Variants in EPHA7 observed in about 807,000 individuals in gnomAD.
EPHA7 encodes ephrin type-A receptor 7.
Under a neutral mutation model 112.6 loss-of-function variants are expected in EPHA7, and 25 were observed. The ratio of observed to expected loss-of-function variants is 0.22; its 90% CI spans 0.16 to 0.31. The LOEUF is 0.31. EPHA7 is among the 10% of genes least tolerant of loss of function. EPHA7 has a pLI of 1.00. For synonymous variants in EPHA7, 437 were observed against 406.5 expected (o/e 1.07, Z -0.90); for missense variants, 962 against 1,212.6 (o/e 0.79, Z 3.07).
At chr6:93,276,183 C>T (rs1039774762) in intron 5 of EPHA7, among the ~76,000 whole-genome samples, 2 of 151,926 alleles carry the variant, frequency 1.3e-5, no homozygotes, top group Non-Finnish European at 2.9e-5. Context: ...AAGAGATTAT[C>T]CTGGATTCTT....
At chr6:93,300,974 T>A (rs1241504651) in intron 5 of EPHA7, among the ~76,000 whole-genome samples, 1 of 152,166 alleles carries the variant, frequency 6.6e-6, no homozygotes, top group Non-Finnish European at 1.5e-5. Context: ...CTGTAGGCAA[T>A]TGTAACACAA....
intron 5 of EPHA7, among the ~76,000 whole-genome samples, chr6:93,280,819 A>T (rs1228852796): frequency 6.6e-6 from 1 of 152,152 alleles, no homozygotes; most frequent in Non-Finnish European, 1.5e-5. Context: ...GAATTCCAAA[A>T]AAAAAGTATT....
At chr6:93,283,502 T>C (rs763027480) in intron 5 of EPHA7, among the ~76,000 whole-genome samples, 1 of 152,068 alleles carries the variant, frequency 6.6e-6, no homozygotes, top group Non-Finnish European at 1.5e-5. Flanking sequence ...CTTTATGAGC[T>C]GTAACAATCA....
At chr6:93,272,451 A>G in intron 5 of EPHA7, 29 bp from the exon 6 acceptor site, 1 of 1,609,910 alleles carries the variant, frequency 6.2e-7, no homozygotes, top group Non-Finnish European at 8.5e-7. Flanking sequence ...TCAATAAACA[A>G]TGAGAAAATT....
intron 5 of EPHA7, among the ~76,000 whole-genome samples, chr6:93,283,900 TTAC>T (rs1771915686): frequency 2.6e-5 from 4 of 152,206 alleles, no homozygotes; most frequent in Admixed American, 2.6e-4. Context: ...CATCTACTAA[TTAC>T]TATAAATACA....
chr6:93,371,849 C>G (rs143232577), intron 3 of EPHA7, among the ~76,000 whole-genome samples: 1 of 152,024 alleles, frequency 6.6e-6, no homozygotes, highest in Non-Finnish European at 1.5e-5. Flanking sequence ...TTATACTAAC[C>G]AGAACACCAG....
Position 93,251,225 on chromosome 6 carries a change from A to G in EPHA7, c.2532+3422T>C, listed in dbSNP as rs888400552. Reference sequence around the variant, plus strand: ...CTTCTATATTAACATGAAAAAATATAAAGTCATAAATCAGTGATGACTTTT... The same window carrying G: ...CTTCTATATTAACATGAAAAAATATGAAGTCATAAATCAGTGATGACTTTT... On this transcript the variant is annotated intron_variant, in intron 14 of 16. Transcript: ENST00000369303. Among the ~76,000 whole-genome samples, 4 of 152,202 alleles carry G rather than the reference A, an allele frequency of 2.6e-5. No individual in the cohort carries two copies. In the East Asian group the frequency reaches 7.7e-4, roughly 29 times the overall value.
At chr6:93,257,433 T>C in intron 12 of EPHA7, 29 bp downstream of exon 12, 1 of 1,553,036 alleles carries the variant, frequency 6.4e-7, no homozygotes. Context: ...ATAGTATATT[T>C]AGAATAAGTG....
rs921787967 is a variant in EPHA7, at chr6:93,396,597, C to T, written c.832+13904G>A. 2.0e-5 allele frequency among the ~76,000 whole-genome samples: 3 copies of T among 151,712 alleles called. No homozygotes were observed. The South Asian group carries it at 6.2e-4, about 31-fold the overall frequency. ...AACCCCAAATTCCACTTTTCAAAAA[C>T]GCATATGCTAAAATGATAAAATGTT... On this transcript the variant is annotated intron_variant, in intron 3 of 16. Coordinates refer to ENST00000369303, the MANE Select transcript of EPHA7 (RefSeq NM_004440.4).
intron 3 of EPHA7, among the ~76,000 whole-genome samples, chr6:93,371,096 G>A (rs1419537979): frequency 1.3e-5 from 2 of 151,524 alleles, no homozygotes; most frequent in Non-Finnish European, 2.9e-5. Context: ...CCCAGGAGGC[G>A]GAGCTTGCAG....
intron 14 of EPHA7, among the ~76,000 whole-genome samples, chr6:93,253,298 A>C (rs941533462): frequency 3.3e-5 from 5 of 152,120 alleles, no homozygotes; most frequent in Non-Finnish European, 7.4e-5. Flanking sequence ...AACAAAACAA[A>C]AAGCAAATGA....
chr6:93,286,040 C>A (rs1313588194), intron 5 of EPHA7, among the ~76,000 whole-genome samples: 1 of 152,088 alleles, frequency 6.6e-6, no homozygotes, highest in Non-Finnish European at 1.5e-5. Flanking sequence ...ATATTTATTA[C>A]CTGGCCCTTT....
chr6:93,320,536 T>C (rs1452904742), intron 5 of EPHA7, among the ~76,000 whole-genome samples: 2 of 152,000 alleles, frequency 1.3e-5, no homozygotes, highest in African/African-American at 4.8e-5. Context: ...CTTTCATATT[T>C]ACTAAATTTA....
chr6:93,296,852 T>C (rs1328364387), intron 5 of EPHA7, among the ~76,000 whole-genome samples: 1 of 151,938 alleles, frequency 6.6e-6, no homozygotes, highest in Non-Finnish European at 1.5e-5. Flanking sequence ...CCTATCACAT[T>C]GGCAACTTCA....
intron 5 of EPHA7, among the ~76,000 whole-genome samples, chr6:93,343,117 T>C (rs1173152567): frequency 2.0e-5 from 3 of 151,706 alleles, no homozygotes; most frequent in African/African-American, 7.3e-5. Context: ...ATTTGACTTT[T>C]CCAAAACTTT....
At chr6:93,347,441 A>G (rs1234282613) in intron 5 of EPHA7, among the ~76,000 whole-genome samples, 8 of 101,534 alleles carry the variant, frequency 7.9e-5, no homozygotes. Context: ...TTTGGAGGGG[A>G]AAAATCATAA....
At position 93,358,309 on chromosome 6, in the gene EPHA7, C is replaced by G; in HGVS notation, c.935G>C (p.Cys312Ser). 1 of 1,613,650 alleles carries G rather than the reference C, an allele frequency of 6.2e-7. No individual in the cohort carries two copies. Among genetic ancestry groups the G allele is most frequent in the East Asian group, 2.2e-5 (1 of 44,848 alleles). ...SDKEGSSRCE[C>S]EDGYYRAPSD... Reference sequence around the variant, plus strand: ...TGGAGCCCTGTAATACCCATCTTCACATTCACATCTGGAGGAGCCTTCTTT... The same window carrying G: ...TGGAGCCCTGTAATACCCATCTTCAGATTCACATCTGGAGGAGCCTTCTTT... Residue 312 changes from cysteine (C) to serine (S), a missense_variant, in exon 4 of 17, where the codon TGT (cysteine) becomes TCT (serine). Physicochemically the swap from Cys to Ser is moderately radical, Grantham distance 112. Around this residue, in one of 3 missense-constraint regions of EPHA7, gnomAD observed 746 missense variants for 889.2 expected, o/e 0.84. Coordinates refer to ENST00000369303, the MANE Select transcript of EPHA7 (RefSeq NM_004440.4).
chr6:93,366,122 T>C (rs1016477373), intron 3 of EPHA7, among the ~76,000 whole-genome samples: 3 of 152,166 alleles, frequency 2.0e-5, no homozygotes, highest in Admixed American at 1.3e-4. Context: ...CTGATGTCAT[T>C]ATCCAAATGA....
chr6:93,350,573 A>C (rs1378372137), intron 5 of EPHA7, among the ~76,000 whole-genome samples: 2 of 152,058 alleles, frequency 1.3e-5, no homozygotes, highest in Non-Finnish European at 2.9e-5. Flanking sequence ...TCATCCATAC[A>C]CAACAAAATT....
Sources: allele counts gnomAD v4.1 joint callset (sites outside exome capture counted in the v4.1 genomes callset), GRCh38; gene constraint gnomAD v4.1.1; regional missense constraint gnomAD v4.1.1; transcripts MANE v1.5; gene names NCBI Gene and HGNC (gene_info 2026-07-23, HGNC 2026-07-21).